Variants in GTF2IRD1 observed in about 807,000 individuals in gnomAD.
The protein encoded by GTF2IRD1 is GTF2I repeat domain containing 1.
GTF2IRD1 carries 26 observed loss-of-function variants against 113.2 expected under a neutral mutation model. The ratio of observed to expected loss-of-function variants is 0.23; its 90% confidence interval spans 0.17 to 0.32. GTF2IRD1 has a LOEUF of 0.32. Ranked by LOEUF, GTF2IRD1 falls within the 10% of genes least tolerant of loss-of-function variation. GTF2IRD1 has a pLI of 1.00. For synonymous variants in GTF2IRD1, 484 were observed against 529.1 expected (o/e 0.91, Z 1.17); for missense variants, 864 against 1,280.8 (o/e 0.67, Z 4.97).
At chr7:74,597,933 T>A (rs1333210873) in intron 25 of GTF2IRD1, among the ~76,000 whole-genome samples, 1 of 152,184 alleles carries the variant, frequency 6.6e-6, no homozygotes, top group Non-Finnish European at 1.5e-5. Flanking sequence ...CCCTGACTCC[T>A]GTCAGGACCA....
chr7:74,556,848 T>C, intron 19 of GTF2IRD1, among the ~76,000 whole-genome samples: 1 of 150,984 alleles, frequency 6.6e-6, no homozygotes, highest in Non-Finnish European at 1.5e-5. Flanking sequence ...GGTTTCCAAC[T>C]CCTGCCCTCA....
intron 7 of GTF2IRD1, among the ~76,000 whole-genome samples, chr7:74,523,840 C>G (rs1230252685): frequency 4.6e-5 from 7 of 152,160 alleles, no homozygotes; most frequent in Admixed American, 2.0e-4. Flanking sequence ...TGTTCTGACA[C>G]CACACCCGTG....
chr7:74,556,646 CAG>C (rs1356228008), intron 19 of GTF2IRD1, among the ~76,000 whole-genome samples: 1 of 111,264 alleles, frequency 9.0e-6, no homozygotes. Flanking sequence ...TTTTTTGAGA[CAG>C]AGTCTTGCTC....
rs782261722 is a variant in GTF2IRD1 at position 74,508,065 on chromosome 7, C to T, written c.-6-10C>T. 6.9e-6 allele frequency: 11 copies of T among 1,601,058 alleles called. No individual in the cohort carries two copies. The highest frequency in any genetic ancestry group is 1.7e-4 in the Middle Eastern group (1 of 6,022). ...TGTGCCCACCACCACTGCCTCCTCCCTCCCCACAGGCGACCATGGCCTTGC... is the reference window on the plus strand; with the variant it reads ...TGTGCCCACCACCACTGCCTCCTCCTTCCCCACAGGCGACCATGGCCTTGC... On this transcript the variant is annotated splice_polypyrimidine_tract_variant and intron_variant, in intron 1 of 26. Coordinates refer to ENST00000424337, the MANE Select transcript of GTF2IRD1 (RefSeq NM_005685.4).
intron 1 of GTF2IRD1, among the ~76,000 whole-genome samples, chr7:74,477,410 A>ACGGGG (rs1794489470): frequency 7.1e-6 from 1 of 141,138 alleles, no homozygotes; most frequent in Non-Finnish European, 1.5e-5. Context: ...TTGGGGTGGG[A>ACGGGG]CGGGGCAGGG....
chr7:74,461,321 G>T (rs1793351174), intron 1 of GTF2IRD1, among the ~76,000 whole-genome samples: 1 of 152,194 alleles, frequency 6.6e-6, no homozygotes, highest in Admixed American at 6.5e-5. Flanking sequence ...ACAGAGGGGA[G>T]ACCCTCCAGG....
chr7:74,481,896 G>T (rs1267577339), intron 1 of GTF2IRD1, among the ~76,000 whole-genome samples: 8 of 152,184 alleles, frequency 5.3e-5, no homozygotes, highest in Admixed American at 4.6e-4. Flanking sequence ...AAATCGCTTG[G>T]CTGGGAGGAC....
chr7:74,485,346 G>A (rs1013539419), intron 1 of GTF2IRD1, among the ~76,000 whole-genome samples: 1 of 152,120 alleles, frequency 6.6e-6, no homozygotes. Context: ...GGCTGGGTGC[G>A]GTGGCTCACG....
At chr7:74,523,243 C>G (rs11495944) in intron 7 of GTF2IRD1, among the ~76,000 whole-genome samples, 27,104 of 150,938 alleles carry the variant, frequency 0.18, 2,586 homozygotes, top group Middle Eastern at 0.21. Context: ...GGAAAAAACA[C>G]AGCCAGGAGT....
chr7:74,594,027 A>G (rs1340261478), intron 24 of GTF2IRD1, among the ~76,000 whole-genome samples: 1 of 151,126 alleles, frequency 6.6e-6, no homozygotes, highest in Admixed American at 6.6e-5. Flanking sequence ...GTGAAATCCC[A>G]TCTCTACTAA....
chr7:74,557,013 G>A (rs1799640484), intron 19 of GTF2IRD1, among the ~76,000 whole-genome samples: 1 of 152,106 alleles, frequency 6.6e-6, no homozygotes, highest in African/African-American at 2.4e-5. Context: ...GGCTGAGGCA[G>A]GCAGATCACT....
intron 1 of GTF2IRD1, among the ~76,000 whole-genome samples, chr7:74,485,103 A>T (rs1322565608): frequency 6.6e-6 from 1 of 151,818 alleles, no homozygotes; most frequent in Non-Finnish European, 1.5e-5. Flanking sequence ...AAGGGCCCGG[A>T]GCTGGGTGGC....
chr7:74,496,167 ATG>A (rs1584519636), intron 1 of GTF2IRD1, among the ~76,000 whole-genome samples: 2 of 150,680 alleles, frequency 1.3e-5, no homozygotes, highest in African/African-American at 2.4e-5. Flanking sequence ...AAGTACGTGT[ATG>A]TGTGTATGCA....
At position 74,504,864 on chromosome 7, in the gene GTF2IRD1, C is replaced by T. The variant is rs186334196; in HGVS notation, c.-6-3211C>T. 1.8e-3 allele frequency among the ~76,000 whole-genome samples: 272 copies of T among 151,758 alleles called. 1 individual carries two copies. The highest frequency in any genetic ancestry group is 6.4e-3 in the African/African-American group (263 of 41,376). On this transcript the variant is annotated intron_variant, in intron 1 of 26. Transcript: ENST00000424337. Reference sequence around the variant, plus strand: ...CTGGGATTACAGGCGCCCGCCACCACGCCAGGCTAATTTTTGTATTTTTAG... The same window carrying T: ...CTGGGATTACAGGCGCCCGCCACCATGCCAGGCTAATTTTTGTATTTTTAG...
intron 25 of GTF2IRD1, among the ~76,000 whole-genome samples, chr7:74,599,290 C>G (rs1583996993): frequency 6.6e-6 from 1 of 152,122 alleles, no homozygotes; most frequent in African/African-American, 2.4e-5. Flanking sequence ...ACAATAAAAG[C>G]CCTTCTTTAT....
chr7:74,502,413 G>T (rs782691914), intron 1 of GTF2IRD1, among the ~76,000 whole-genome samples: 4 of 152,230 alleles, frequency 2.6e-5, no homozygotes, highest in Admixed American at 6.5e-5. Context: ...CAGGCTTTGG[G>T]CTGCAGAATA....
chr7:74,454,491 G>T (rs1275453830), intron 1 of GTF2IRD1, among the ~76,000 whole-genome samples: 13 of 152,096 alleles, frequency 8.5e-5, no homozygotes, highest in African/African-American at 3.1e-4. Context: ...GCGCCCGCAG[G>T]CTGCTGCAGT....
chr7:74,505,789 T>C (rs538817114), intron 1 of GTF2IRD1, among the ~76,000 whole-genome samples: 88 of 152,050 alleles, frequency 5.8e-4, no homozygotes, highest in Non-Finnish European at 1.0e-3. Flanking sequence ...TTTTATGAAG[T>C]CTGGTCGCAT....
intron 22 of GTF2IRD1, among the ~76,000 whole-genome samples, chr7:74,586,684 G>C (rs1350824008): frequency 1.3e-5 from 2 of 152,144 alleles, no homozygotes; most frequent in Non-Finnish European, 2.9e-5. Context: ...CTGCTCTTTG[G>C]GGCAACCCCC....
Sources: allele counts gnomAD v4.1 joint callset (sites outside exome capture counted in the v4.1 genomes callset), GRCh38; gene constraint gnomAD v4.1.1; transcripts MANE v1.5; gene names NCBI Gene and HGNC (gene_info 2026-07-23, HGNC 2026-07-21).